Variants in FUT9 observed in about 807,000 individuals in gnomAD.
The protein encoded by FUT9 is 4-galactosyl-N-acetylglucosaminide 3-alpha-L-fucosyltransferase 9.
In FUT9, 15 loss-of-function variants were observed where a neutral mutation model predicts 29.7. The observed-to-expected ratio is 0.51, with a 90% CI of 0.34 to 0.78. The LOEUF (loss-of-function observed/expected upper bound fraction) is 0.78. Ranked by LOEUF, FUT9 falls within the 30% of genes least tolerant of loss-of-function variation. The pLI is 0.01. For missense variants in FUT9, 319 were observed against 425.4 expected (o/e 0.75, Z 2.20); for synonymous variants, 169 against 153.7 (o/e 1.10, Z -0.74).
Position 96,212,413 on chromosome 6 carries a change from C to T in FUT9, c.*8178C>T. 2.4e-6 allele frequency: 1 copy of T among 411,992 alleles called. No homozygotes were observed. The highest frequency in any genetic ancestry group is 4.4e-6 in the Non-Finnish European group (1 of 225,134). 25.5% of individuals were successfully genotyped at this position (411,992 alleles called of 1,614,324 possible). A position where few individuals can be genotyped will look rare whatever the true frequency, so the allele number is the denominator to read the frequency against. Reference sequence around the variant, plus strand: ...AGATTATCTGATTGTCTATGTAAACCTGGAAGTAGTCTACTTTTTAGATAA... The same window carrying T: ...AGATTATCTGATTGTCTATGTAAACTTGGAAGTAGTCTACTTTTTAGATAA... On this transcript the variant is annotated 3_prime_UTR_variant, in exon 3 of 3. Coordinates refer to ENST00000302103, the MANE Select transcript of FUT9 (RefSeq NM_006581.4).
chr6:96,139,575 A>G (rs1772423057), intron 2 of FUT9, among the ~76,000 whole-genome samples: 1 of 152,104 alleles, frequency 6.6e-6, no homozygotes, highest in African/African-American at 2.4e-5. Context: ...GAGGCTCTCC[A>G]TGACCCTCCG....
rs538467123 is a variant in FUT9, at chr6:96,129,797, T to C, written c.-9+15670T>C. ...AAAATATATTCTTCTATTACTTTCA[T>C]AGTTCTTATAAGTCATGCAAATACA... is the stretch of plus-strand genomic sequence containing the variant. On this transcript the variant is annotated intron_variant, in intron 2 of 2. Transcript: ENST00000302103. 3.3e-5 allele frequency among the ~76,000 whole-genome samples: 5 copies of C among 152,202 alleles called. No homozygotes were observed. In the East Asian group the frequency reaches 9.6e-4, roughly 29 times the overall value.
At chr6:96,137,852 TTCTC>T (rs1772387121) in intron 2 of FUT9, among the ~76,000 whole-genome samples, 1 of 152,052 alleles carries the variant, frequency 6.6e-6, no homozygotes, top group Non-Finnish European at 1.5e-5. Flanking sequence ...TACAACAACT[TTCTC>T]TACTCTCTCT....
intron 1 of FUT9, among the ~76,000 whole-genome samples, chr6:96,110,815 C>CTATTTTTTATTTATTTATTTATT (rs11283884): frequency 0.13 from 18,980 of 144,968 alleles, 1,474 homozygotes; most frequent in South Asian, 0.21. Context: ...ACAAATGTGC[C>CTATTTTTTATTTATTTATTTATT]TATTTATTTA....
At chr6:96,025,530 G>A (rs1391394593) in intron 1 of FUT9, among the ~76,000 whole-genome samples, 1 of 151,568 alleles carries the variant, frequency 6.6e-6, no homozygotes, top group Non-Finnish European at 1.5e-5. Flanking sequence ...TACTTATTGG[G>A]GATATGGACC....
intron 2 of FUT9, among the ~76,000 whole-genome samples, chr6:96,201,270 G>A (rs756374574): frequency 8.6e-5 from 13 of 151,734 alleles, no homozygotes; most frequent in Non-Finnish European, 1.8e-4. Flanking sequence ...CAACTATTTA[G>A]TCATATTTCA....
intron 1 of FUT9, among the ~76,000 whole-genome samples, chr6:96,017,420 G>T (rs1769998798): frequency 6.6e-6 from 1 of 152,156 alleles, no homozygotes; most frequent in South Asian, 2.1e-4. Context: ...GTTGGAGTGC[G>T]AGAAAATAAA....
intron 1 of FUT9, among the ~76,000 whole-genome samples, chr6:96,066,752 G>A (rs1770967784): frequency 6.6e-6 from 1 of 151,976 alleles, no homozygotes; most frequent in Non-Finnish European, 1.5e-5. Context: ...TTTATTTCCA[G>A]AACTACTTGG....
intron 1 of FUT9, among the ~76,000 whole-genome samples, chr6:96,034,454 A>T (rs1195761783): frequency 6.6e-6 from 1 of 151,764 alleles, no homozygotes; most frequent in Non-Finnish European, 1.5e-5. Flanking sequence ...AGCAATACCA[A>T]AATGGACCAT....
chr6:96,101,545 T>C (rs984354656), intron 1 of FUT9, among the ~76,000 whole-genome samples: 50 of 151,452 alleles, frequency 3.3e-4, no homozygotes, highest in African/African-American at 1.1e-3. Context: ...AGTGAAACTG[T>C]CTTAAAAAAA....
chr6:96,187,083 G>C (rs1216690122), intron 2 of FUT9, among the ~76,000 whole-genome samples: 1 of 152,076 alleles, frequency 6.6e-6, no homozygotes, highest in Non-Finnish European at 1.5e-5. Flanking sequence ...ATTAGACCAG[G>C]TTACCAGCCA....
chr6:96,173,440 C>G (rs182640810), intron 2 of FUT9, among the ~76,000 whole-genome samples: 1 of 152,056 alleles, frequency 6.6e-6, no homozygotes, highest in African/African-American at 2.4e-5. Flanking sequence ...ATAAAGTTCA[C>G]GACTGATCAT....
intron 2 of FUT9, among the ~76,000 whole-genome samples, chr6:96,148,048 A>G (rs1772606289): frequency 2.0e-5 from 2 of 99,774 alleles, no homozygotes; most frequent in South Asian, 1.1e-3. Flanking sequence ...AAAGAAAAAA[A>G]AAATATTGAA....
intron 1 of FUT9, among the ~76,000 whole-genome samples, chr6:96,038,732 T>C (rs968235901): frequency 6.6e-6 from 1 of 152,166 alleles, no homozygotes; most frequent in Non-Finnish European, 1.5e-5. Context: ...TAGCTTTAAA[T>C]GGCTTTGAAC....
At chr6:96,143,276 G>A (rs538535726) in intron 2 of FUT9, among the ~76,000 whole-genome samples, 2 of 152,290 alleles carry the variant, frequency 1.3e-5, no homozygotes, top group South Asian at 4.2e-4. Flanking sequence ...TACCTAATCT[G>A]TTGGCACCTT....
chr6:96,088,528 T>G (rs1352697986), intron 1 of FUT9, among the ~76,000 whole-genome samples: 23 of 91,656 alleles, frequency 2.5e-4, no homozygotes, highest in African/African-American at 8.8e-4. Flanking sequence ...TGTTTGTTTG[T>G]TTTGTGTGTG....
At chr6:96,049,524 AGGCGAG>A (rs1770627419) in intron 1 of FUT9, among the ~76,000 whole-genome samples, 1 of 152,210 alleles carries the variant, frequency 6.6e-6, no homozygotes, top group Admixed American at 6.5e-5. Context: ...CCTGTTTCAA[AGGCGAG>A]GGCCAAGGTA....
intron 1 of FUT9, among the ~76,000 whole-genome samples, chr6:96,035,171 C>G (rs1190444781): frequency 1.3e-5 from 2 of 150,882 alleles, no homozygotes; most frequent in Non-Finnish European, 3.0e-5. Context: ...CCAAAATGCA[C>G]TATTACACAT....
chr6:96,147,950 C>A (rs969575001), intron 2 of FUT9, among the ~76,000 whole-genome samples: 2 of 150,978 alleles, frequency 1.3e-5, no homozygotes, highest in African/African-American at 2.4e-5. Context: ...GTAAAAGAAC[C>A]ACCGAACATG....
Sources: gnomAD v4.1 joint callset for allele counts (sites outside exome capture counted in the v4.1 genomes callset) on GRCh38, gnomAD v4.1.1 for gene constraint, MANE v1.5 for transcripts, NCBI Gene and HGNC (gene_info 2026-07-23, HGNC 2026-07-21) for gene names.